WDR93: variants seen among roughly 807,000 people sequenced by gnomAD.
WDR93 encodes WD repeat-containing protein 93.
In WDR93, 73 loss-of-function variants were observed where a neutral mutation model predicts 82.9. That is an observed-to-expected ratio of 0.88 (90% CI 0.73 to 1.07). The LOEUF (loss-of-function observed/expected upper bound fraction) is 1.07, where lower values mean the gene tolerates loss of function less well. WDR93 is among the 50% of genes least tolerant of loss of function. The pLI is 0.00. For missense variants in WDR93, 738 were observed against 826.0 expected (o/e 0.89, Z 1.31); for synonymous variants, 283 against 300.1 (o/e 0.94, Z 0.59).
At chr15:89,716,122 G>A (rs897822523) in intron 6 of WDR93, among the ~76,000 whole-genome samples, 1 of 152,166 alleles carries the variant, frequency 6.6e-6, no homozygotes, top group African/African-American at 2.4e-5. Context: ...TTGAATAAAT[G>A]CCTTTATGGC....
Position 89,738,178 on chromosome 15 carries a change from A to G in WDR93, c.1903A>G (p.Met635Val). 1.2e-6 allele frequency: 2 copies of G among 1,614,172 alleles called. No homozygotes were observed. Among genetic ancestry groups the G allele is most frequent in the Non-Finnish European group, 1.7e-6 (2 of 1,180,006 alleles). The change falls in exon 16 of 17, where the codon ATG (methionine) becomes GTG (valine). Residue 635 changes from methionine to valine, a missense_variant. Coordinates refer to ENST00000268130, the MANE Select transcript of WDR93 (RefSeq NM_020212.2). ...CTIPQRDLDN[M>V]AFPQALPLEK... ...CATTCCTCAAAGGGACTTGGATAACATGGCCTTCCCCCAAGCACTGCCACT... is the reference window on the plus strand; with the variant it reads ...CATTCCTCAAAGGGACTTGGATAACGTGGCCTTCCCCCAAGCACTGCCACT...
In WDR93 at chr15:89,743,332, C is replaced by T. The variant is rs368094128; in HGVS notation, c.2002C>T (p.His668Tyr). 3 of 1,614,174 alleles carry T rather than the reference C, an allele frequency of 1.9e-6. No homozygotes were observed. The South Asian group carries it at 3.3e-5, about 18-fold the overall frequency. Residue 668 changes from histidine to tyrosine, a missense_variant, in exon 17 of 17, where the codon CAC (histidine) becomes TAC (tyrosine). Transcript: ENST00000268130. ...GAAGAACCCAGAGAAGGAGGAGGAG[C>T]ACTGGGCCCGGCTTCAGAGGTACTC... The part of the protein sequence containing the change: ...LEKNPEKEEE[H>Y]WARLQRYSLS...
intron 16 of WDR93, among the ~76,000 whole-genome samples, chr15:89,742,763 C>T (rs1967782190): frequency 6.6e-6 from 1 of 152,064 alleles, no homozygotes; most frequent in African/African-American, 2.4e-5. Flanking sequence ...AAACTCCCAA[C>T]CTCAGGTGAT....
intron 15 of WDR93, 39 bp from the exon 16 acceptor site, chr15:89,738,002 G>A (rs564652388): frequency 1.5e-5 from 24 of 1,560,268 alleles, no homozygotes; most frequent in Admixed American, 3.7e-5. Context: ...CTGAGAAAGC[G>A]ATTGTTACAC....
At chr15:89,727,468 G>GT (rs1966784032) in intron 9 of WDR93, 140 bp downstream of exon 9, 14 of 979,992 alleles carry the variant, frequency 1.4e-5, no homozygotes, top group Non-Finnish European at 2.1e-5. Flanking sequence ...GCCCACATCT[G>GT]TAATCCCTAC....
At chr15:89,694,481 C>T (rs181540230) in intron 1 of WDR93, among the ~76,000 whole-genome samples, 25 of 152,190 alleles carry the variant, frequency 1.6e-4, no homozygotes, top group East Asian at 3.9e-4. Context: ...ATGATCTGCC[C>T]GCCTTGGCCT....
At chr15:89,697,426 G>A (rs1839883260) in intron 1 of WDR93, among the ~76,000 whole-genome samples, 1 of 152,046 alleles carries the variant, frequency 6.6e-6, no homozygotes, top group Admixed American at 6.6e-5. Flanking sequence ...AATATTTTGA[G>A]GTCTTGTATA....
Position 89,691,045 on chromosome 15 carries a change from G to A in WDR93, c.-41+188G>A, listed in dbSNP as rs560928527. On this transcript the variant is annotated intron_variant, in intron 1 of 16. Transcript: ENST00000268130. ...GGAACCCGGGGTGATATCCCGAATGGTCTCTCCAGCCTCAGAACTCCCCTG... is the reference window on the plus strand; with the variant it reads ...GGAACCCGGGGTGATATCCCGAATGATCTCTCCAGCCTCAGAACTCCCCTG... Among the ~76,000 whole-genome samples, 78 of 152,220 alleles carry A rather than the reference G, an allele frequency of 5.1e-4. No homozygotes were observed. In the Middle Eastern group the frequency reaches 0.014, roughly 27 times the overall value.
At chr15:89,729,192 T>C (rs935304081) in intron 10 of WDR93, 99 bp downstream of exon 10, 2 of 1,143,296 alleles carry the variant, frequency 1.7e-6, no homozygotes, top group Admixed American at 1.7e-5. Flanking sequence ...AAACCTCGCA[T>C]GGTAGGAGGG....
intron 13 of WDR93, 22 bp from the exon 14 acceptor site, chr15:89,735,468 C>G (rs766345807): frequency 6.2e-7 from 1 of 1,612,332 alleles, no homozygotes; most frequent in Admixed American, 1.7e-5. Context: ...AGGAGAATGT[C>G]TGTATATTTT....
rs764462390 is a variant in WDR93, at chr15:89,733,181, C to A, written c.1506C>A (p.Ser502Arg). The A allele has an allele frequency of 5.2e-5, 84 of 1,613,874 alleles. No individual in the cohort carries two copies. Among genetic ancestry groups the A allele is most frequent in the Non-Finnish European group, 6.8e-5 (80 of 1,179,922 alleles). The change falls in exon 13 of 17, where the codon AGC becomes AGA. Residue 502 changes from serine (S) to arginine (R), a missense_variant. Transcript: ENST00000268130. ...CCTCCCTCCATCTGGTGGAGGCTAGCGGGACCCAAGGACCCACCATCAGTG... is the reference window on the plus strand; with the variant it reads ...CCTCCCTCCATCTGGTGGAGGCTAGAGGGACCCAAGGACCCACCATCAGTG... ...TDASLHLVEA[S>R]GTQGPTISVL...
At chr15:89,735,672 T>C (rs1967110335) in intron 14 of WDR93, 119 bp downstream of exon 14, 2 of 1,011,200 alleles carry the variant, frequency 2.0e-6, no homozygotes, top group East Asian at 4.9e-5. Flanking sequence ...GGCACTGGAC[T>C]AGCTTTCGGG....
Position 89,743,297 on chromosome 15 carries a change from G to C in WDR93, c.1967G>C (p.Arg656Pro). Reference sequence around the variant, plus strand: ...CACAGTTGTGTGGCCCTCAGCTATCGGAAGCTGGAGAAGAACCCAGAGAAG... The same window carrying C: ...CACAGTTGTGTGGCCCTCAGCTATCCGAAGCTGGAGAAGAACCCAGAGAAG... Reference protein sequence around the residue: ...RCERFLQKSYRKLEKNPEKEE... With the variant: ...RCERFLQKSYPKLEKNPEKEE... The change falls in exon 17 of 17, where the codon CGG (arginine) becomes CCG (proline). Residue 656 changes from arginine to proline, a missense_variant. Physicochemically the swap from Arg to Pro is moderately radical, Grantham distance 103. Transcript: ENST00000268130. 1 of 1,614,134 alleles carries C rather than the reference G, an allele frequency of 6.2e-7. No homozygotes were observed. The highest frequency in any genetic ancestry group is 1.1e-5 in the South Asian group (1 of 91,080).
chr15:89,729,195 T>C (rs1471664534), intron 10 of WDR93, 102 bp downstream of exon 10: 1 of 1,116,738 alleles, frequency 9.0e-7, no homozygotes, highest in Non-Finnish European at 1.4e-6. Context: ...CCTCGCATGG[T>C]AGGAGGGAAT....
At chr15:89,714,558 G>T (rs1966154844) in intron 5 of WDR93, among the ~76,000 whole-genome samples, 1 of 152,124 alleles carries the variant, frequency 6.6e-6, no homozygotes, top group Non-Finnish European at 1.5e-5. Flanking sequence ...CTGACTGCAG[G>T]TGTTCCACCC....
At chr15:89,736,011 G>C (rs1193745536) in intron 14 of WDR93, among the ~76,000 whole-genome samples, 1 of 152,200 alleles carries the variant, frequency 6.6e-6, no homozygotes, top group East Asian at 1.9e-4. Flanking sequence ...AATGTGGAGA[G>C]GGAGGAGGCT....
chr15:89,729,669 C>T lies in WDR93; in HGVS notation c.1124-14C>T, dbSNP rs200254750. ...TAACACCCATTTTCTGTCTTTCCCC[C>T]GCCCCCCCACCAGGAATGGCCTGTG... On this transcript the variant is annotated splice_polypyrimidine_tract_variant and intron_variant, in intron 10 of 16. Transcript: ENST00000268130. 1.2e-5 allele frequency: 19 copies of T among 1,608,628 alleles called. No homozygotes were observed. Among genetic ancestry groups the T allele is most frequent in the South Asian group, 5.5e-5 (5 of 90,908 alleles).
rs774483287 is a variant in WDR93 at position 89,737,645 on chromosome 15, G to A, written c.1681G>A (p.Ala561Thr). 6.2e-7 allele frequency: 1 copy of A among 1,614,174 alleles called. No individual in the cohort carries two copies. The highest frequency in any genetic ancestry group is 1.1e-5 in the South Asian group (1 of 91,080). ...VAKREIICAFAPPGAFPLEVP... is the reference protein window; with the variant it reads ...VAKREIICAFTPPGAFPLEVP... ...CAAGCGTGAAATCATCTGTGCCTTT[G>A]CCCCTCCGGGAGCCTTTCCTCTGGA... is the stretch of plus-strand genomic sequence containing the variant. The change falls in exon 15 of 17, where the codon GCC (alanine) becomes ACC (threonine). Residue 561 changes from alanine to threonine, a missense_variant. Physicochemically the swap from Ala to Thr is moderately conservative, Grantham distance 58. Transcript: ENST00000268130.
chr15:89,735,912 T>G (rs1317868596), intron 14 of WDR93, among the ~76,000 whole-genome samples: 6 of 151,992 alleles, frequency 3.9e-5, no homozygotes, highest in African/African-American at 1.5e-4. Flanking sequence ...CCAGAGGAGT[T>G]GAGAAGGCAA....
Sources: allele counts gnomAD v4.1 joint callset (sites outside exome capture counted in the v4.1 genomes callset), GRCh38; gene constraint gnomAD v4.1.1; transcripts MANE v1.5; gene names NCBI Gene and HGNC (gene_info 2026-07-23, HGNC 2026-07-21).